Variants in NXPE2 observed in about 807,000 individuals in gnomAD.
NXPE2 encodes the protein NXPE family member 2.
Under a neutral mutation model 34.4 loss-of-function variants are expected in NXPE2, and 34 were observed. That is an observed-to-expected ratio of 0.99 (90% confidence interval 0.75 to 1.31). NXPE2 has a LOEUF of 1.31. NXPE2 is among the 40% of genes most tolerant of loss of function. The probability of loss-of-function intolerance (pLI) is 0.00; values close to 1 mark genes in which losing one functional copy is unlikely to be tolerated. For missense variants in NXPE2, 649 were observed against 672.5 expected (o/e 0.97, Z 0.39); for synonymous variants, 235 against 231.3 (o/e 1.02, Z -0.15).
the NXPE2 span, among the ~76,000 whole-genome samples, chr11:114,652,106 C>T: frequency 2.0e-5 from 3 of 152,224 alleles, no homozygotes; most frequent in African/African-American, 7.2e-5. Context: ...TTTTAATCTA[C>T]TGCCTAGAGT....
the NXPE2 span, among the ~76,000 whole-genome samples, chr11:114,509,164 CT>C: frequency 3.9e-5 from 6 of 152,172 alleles, no homozygotes; most frequent in Admixed American, 2.6e-4. Context: ...CTCAACATCA[CT>C]ACTTATTAGA....
chr11:114,520,481 C>T, the NXPE2 span, among the ~76,000 whole-genome samples: 1 of 152,180 alleles, frequency 6.6e-6, no homozygotes, highest in African/African-American at 2.4e-5. Context: ...TTCCATTGTA[C>T]ATATATACTG....
At chr11:114,480,304 G>A in the NXPE2 span, among the ~76,000 whole-genome samples, 1 of 152,192 alleles carries the variant, frequency 6.6e-6, no homozygotes, top group Admixed American at 6.5e-5. Flanking sequence ...TAGGAAGATG[G>A]AAGGAAAACT....
At chr11:114,536,906 G>A in the NXPE2 span, among the ~76,000 whole-genome samples, 88 of 152,216 alleles carry the variant, frequency 5.8e-4, no homozygotes, top group African/African-American at 1.9e-3. Context: ...AGTAGAAAAC[G>A]GGAATCCTCC....
the NXPE2 span, among the ~76,000 whole-genome samples, chr11:114,657,741 GA>G: frequency 6.6e-6 from 1 of 151,780 alleles, no homozygotes. Flanking sequence ...CTTGTACAAA[GA>G]AAAAAAGATA....
the NXPE2 span, among the ~76,000 whole-genome samples, chr11:114,647,705 ATTTTT>A: frequency 1.4e-5 from 2 of 147,458 alleles, no homozygotes; most frequent in African/African-American, 2.5e-5. Context: ...ATTTTATTTT[ATTTTT>A]TTTTTTTTTG....
At chr11:114,578,358 AG>A in the NXPE2 span, among the ~76,000 whole-genome samples, 32 of 152,340 alleles carry the variant, frequency 2.1e-4, no homozygotes, top group Non-Finnish European at 3.8e-4. Context: ...ACAAATTAAA[AG>A]ATGAGTCGAA....
At chr11:114,564,943 T>C in the NXPE2 span, among the ~76,000 whole-genome samples, 1 of 152,210 alleles carries the variant, frequency 6.6e-6, no homozygotes, top group Admixed American at 6.5e-5. Flanking sequence ...AATGAATACT[T>C]TCCAGGCAGG....
At chr11:114,780,141 T>C in the NXPE2 span, among the ~76,000 whole-genome samples, 1 of 152,196 alleles carries the variant, frequency 6.6e-6, no homozygotes, top group Non-Finnish European at 1.5e-5. Context: ...TCCCAGGCTA[T>C]CTCAAAGTGT....
At chr11:114,658,059 A>C in the NXPE2 span, among the ~76,000 whole-genome samples, 1 of 152,198 alleles carries the variant, frequency 6.6e-6, no homozygotes, top group Non-Finnish European at 1.5e-5. Context: ...GTTCCCTTTA[A>C]AATAAACCCT....
the NXPE2 span, among the ~76,000 whole-genome samples, chr11:114,754,612 T>C: frequency 6.6e-6 from 1 of 152,116 alleles, no homozygotes; most frequent in Non-Finnish European, 1.5e-5. Flanking sequence ...AAGGCTGTGT[T>C]AGAGAAGGTC....
At chr11:114,613,028 T>C in the NXPE2 span, among the ~76,000 whole-genome samples, 1 of 151,946 alleles carries the variant, frequency 6.6e-6, no homozygotes, top group East Asian at 1.9e-4. Context: ...GGGTAACCAC[T>C]GTTACCTGGT....
the NXPE2 span, among the ~76,000 whole-genome samples, chr11:114,787,168 G>GGC: frequency 6.7e-6 from 1 of 148,166 alleles, no homozygotes; most frequent in Non-Finnish European, 1.5e-5. Flanking sequence ...ACTGTCAACA[G>GGC]GCGCACACAC....
At chr11:114,720,786 T>C in the NXPE2 span, among the ~76,000 whole-genome samples, 1 of 152,226 alleles carries the variant, frequency 6.6e-6, no homozygotes, top group East Asian at 1.9e-4. Flanking sequence ...TCAAATTACT[T>C]GTCTGGGTTA....
intron 2 of NXPE2, among the ~76,000 whole-genome samples, chr11:114,688,594 G>T (rs1292107238): frequency 6.6e-6 from 1 of 152,034 alleles, no homozygotes; most frequent in East Asian, 1.9e-4. Flanking sequence ...AATGATACTG[G>T]TTTTGTAGAA....
chr11:114,765,582 T>C, the NXPE2 span, among the ~76,000 whole-genome samples: 1 of 152,166 alleles, frequency 6.6e-6, no homozygotes, highest in Non-Finnish European at 1.5e-5. Context: ...TGGAACAAAA[T>C]CCACAATATC....
At chr11:114,533,559 C>G in the NXPE2 span, among the ~76,000 whole-genome samples, 1 of 152,176 alleles carries the variant, frequency 6.6e-6, no homozygotes, top group Non-Finnish European at 1.5e-5. Context: ...TGACAGATGG[C>G]ACCTGGAAAA....
the NXPE2 span, among the ~76,000 whole-genome samples, chr11:114,610,881 A>G: frequency 4.0e-5 from 6 of 150,608 alleles, no homozygotes; most frequent in Non-Finnish European, 7.4e-5. Flanking sequence ...GAAAATAAGC[A>G]TTGTCTCATG....
the NXPE2 span, among the ~76,000 whole-genome samples, chr11:114,470,489 C>T: frequency 6.6e-6 from 1 of 151,746 alleles, no homozygotes. Context: ...TATTTGTTAT[C>T]TGTATGTCTT....
Sources: allele counts gnomAD v4.1 joint callset (sites outside exome capture counted in the v4.1 genomes callset), GRCh38; gene constraint gnomAD v4.1.1; transcripts MANE v1.5; gene names NCBI Gene and HGNC (gene_info 2026-07-23, HGNC 2026-07-21).